Variants in XIRP2 observed in about 807,000 individuals in gnomAD.
XIRP2 encodes xin actin-binding repeat-containing protein 2.
XIRP2 carries 236 observed loss-of-function variants against 277.0 expected under a neutral mutation model. The observed-to-expected ratio is 0.85, with a 90% CI of 0.77 to 0.95. The LOEUF is 0.95. XIRP2 is among the 40% of genes least tolerant of loss of function. The probability of loss-of-function intolerance (pLI) is 0.00; values close to 1 mark genes in which losing one functional copy is unlikely to be tolerated. For synonymous variants in XIRP2, 1,490 were observed against 1,416.5 expected (o/e 1.05, Z -1.17); for missense variants, 4,640 against 4,157.5 (o/e 1.12, Z -3.19).
Position 167,077,900 on chromosome 2 carries a change from G to C in XIRP2, c.409-58009G>C, listed in dbSNP as rs77941776. ...TTGGCGTATAGTATAGTTCGACGTT[G>C]GGTAATATGATGCCTCTGGCTTTTT... On this transcript the variant is annotated intron_variant, in intron 2 of 10. Transcript: ENST00000409195. Among the ~76,000 whole-genome samples, 1,315 of 152,282 alleles carry C rather than the reference G, an allele frequency of 8.6e-3. 22 individuals are homozygous for C. The highest frequency in any genetic ancestry group is 0.03 in the African/African-American group (1,234 of 41,552).
chr2:167,091,606 A>G (rs10171261), intron 2 of XIRP2, among the ~76,000 whole-genome samples: 107,432 of 152,000 alleles, frequency 0.71, 40,728 homozygotes, highest in Non-Finnish European at 0.85. Flanking sequence ...GTTGAATCAT[A>G]GTTTTAATTC....
chr2:167,238,361 G>C (rs1005460936), intron 5 of XIRP2, among the ~76,000 whole-genome samples: 1 of 151,986 alleles, frequency 6.6e-6, no homozygotes, highest in Non-Finnish European at 1.5e-5. Context: ...TCCATATTTT[G>C]TCTTTGGCTT....
intron 1 of XIRP2, among the ~76,000 whole-genome samples, chr2:166,890,739 C>T (rs1048529195): frequency 6.6e-6 from 1 of 152,126 alleles, no homozygotes; most frequent in African/African-American, 2.4e-5. Flanking sequence ...GTCTGGTACG[C>T]AGCCTGCTTG....
intron 2 of XIRP2, among the ~76,000 whole-genome samples, chr2:167,072,713 C>T (rs576879991): frequency 1.3e-5 from 2 of 152,200 alleles, no homozygotes; most frequent in Admixed American, 6.5e-5. Flanking sequence ...TATTGAGTCA[C>T]CTTTCCAATC....
At chr2:167,145,583 A>G (rs778045057) in intron 3 of XIRP2, among the ~76,000 whole-genome samples, 3 of 152,202 alleles carry the variant, frequency 2.0e-5, no homozygotes, top group Non-Finnish European at 2.9e-5. Flanking sequence ...GATGTGGGAA[A>G]AGAGCATGTT....
At chr2:167,115,699 AGGG>A (rs1240884105) in intron 2 of XIRP2, among the ~76,000 whole-genome samples, 1 of 152,136 alleles carries the variant, frequency 6.6e-6, no homozygotes, top group Non-Finnish European at 1.5e-5. Flanking sequence ...TTCCTCAGGT[AGGG>A]ACCACAGTTG....
intron 3 of XIRP2, among the ~76,000 whole-genome samples, chr2:167,172,426 A>G (rs1038318207): frequency 6.6e-6 from 1 of 152,102 alleles, no homozygotes; most frequent in Non-Finnish European, 1.5e-5. Flanking sequence ...AGAGCAGACA[A>G]GCAGTCTGAC....
chr2:167,118,481 C>A (rs373368123), intron 2 of XIRP2, among the ~76,000 whole-genome samples: 1 of 40,552 alleles, frequency 2.5e-5, no homozygotes, highest in African/African-American at 1.1e-4. Flanking sequence ...GACTCTGTCT[C>A]GATAAAATAA....
rs1695202392 is a variant in XIRP2 at position 167,244,969 on chromosome 2, C to T, written c.3577C>T (p.Gln1193Ter). The part of the protein sequence containing the change: ...KEIKPVEMDI[Q>*]AGDVSSMRYK... ...AATCAAGCCTGTTGAAATGGATATA[C>T]AAGCTGGAGATGTTTCCAGCATGAG... The change falls in exon 9 of 11, where the codon CAA becomes TAA. Residue 1193 changes from glutamine (Q) to a stop codon, truncating the protein, a stop_gained. Transcript: ENST00000409195. LOFTEE classifies it high-confidence loss of function. The T allele has an allele frequency of 6.8e-6, 11 of 1,613,162 alleles. No individual in the cohort carries two copies. The highest frequency in any genetic ancestry group is 9.3e-6 in the Non-Finnish European group (11 of 1,179,634).
At chr2:167,185,165 G>A (rs1274162309) in intron 3 of XIRP2, among the ~76,000 whole-genome samples, 2 of 152,020 alleles carry the variant, frequency 1.3e-5, no homozygotes, top group East Asian at 1.9e-4. Context: ...ACCAAATTAC[G>A]TGATCACTAA....
chr2:167,111,079 G>A (rs1006298577), intron 2 of XIRP2, among the ~76,000 whole-genome samples: 6 of 152,114 alleles, frequency 3.9e-5, no homozygotes, highest in African/African-American at 1.4e-4. Context: ...TTTGGACCCA[G>A]ACTATGGGGT....
At chr2:166,899,029 C>T (rs1056250839) in intron 1 of XIRP2, among the ~76,000 whole-genome samples, 9 of 152,040 alleles carry the variant, frequency 5.9e-5, no homozygotes, top group Admixed American at 5.9e-4. Context: ...TTATGGGGCT[C>T]AAGTCTGAAA....
In XIRP2 at chr2:167,244,234, T is replaced by C. The variant is rs777821192; in HGVS notation, c.2842T>C (p.Tyr948His). 3 of 1,613,604 alleles carry C rather than the reference T, an allele frequency of 1.9e-6. No individual in the cohort carries two copies. The highest frequency in any genetic ancestry group is 2.5e-6 in the Non-Finnish European group (3 of 1,179,832). ...EEVDRGDVKN[Y>H]THIFESNNLI... ...AGTTGACAGAGGAGATGTGAAGAAT[T>C]ACACACATATCTTTGAATCAAACAA... The change falls in exon 9 of 11, where the codon TAC becomes CAC. Residue 948 changes from tyrosine (Y) to histidine (H), a missense_variant. By Grantham distance (83) the Tyr-to-His change is moderately conservative. Coordinates refer to ENST00000409195, the MANE Select transcript of XIRP2 (RefSeq NM_152381.6).
intron 2 of XIRP2, among the ~76,000 whole-genome samples, chr2:167,011,400 C>T (rs1225622820): frequency 6.6e-6 from 1 of 150,704 alleles, no homozygotes; most frequent in Non-Finnish European, 1.5e-5. Context: ...ATTGAACCAG[C>T]CTTGCATCCC....
rs199555491 is a variant in XIRP2, at chr2:167,136,007, G to A, written c.507G>A (p.Lys169=). The A allele has an allele frequency of 1.2e-5, 19 of 1,611,470 alleles. No individual in the cohort carries two copies. The highest frequency in any genetic ancestry group is 1.4e-5 in the Non-Finnish European group (16 of 1,178,974). ...DSVKDSDKKG[K]ETSFDKMSPE... is the part of the protein sequence containing the mutation. ...TGAAAGATTCAGACAAGAAAGGCAA[G>A]GAAACATCTTTTGACAAGATGTCAC... The change falls in exon 3 of 11, where the codon AAG becomes AAA. Residue 169 remains lysine, a synonymous_variant. Transcript: ENST00000409195.
At chr2:166,964,731 A>G (rs1349332110) in intron 2 of XIRP2, among the ~76,000 whole-genome samples, 2 of 151,856 alleles carry the variant, frequency 1.3e-5, no homozygotes, top group African/African-American at 4.8e-5. Flanking sequence ...CTCCATATAC[A>G]TTTCAGAAGT....
At chr2:167,087,809 G>T (rs1490318703) in intron 2 of XIRP2, among the ~76,000 whole-genome samples, 2 of 151,864 alleles carry the variant, frequency 1.3e-5, no homozygotes, top group Admixed American at 6.5e-5. Context: ...CTCGCGCACG[G>T]TGCGTGCACC....
At chr2:166,948,319 A>G (rs1167991480) in intron 2 of XIRP2, among the ~76,000 whole-genome samples, 1 of 152,116 alleles carries the variant, frequency 6.6e-6, no homozygotes, top group Admixed American at 6.6e-5. Flanking sequence ...GTGTGGAGGC[A>G]GGACATTATG....
Position 167,129,652 on chromosome 2 carries a change from C to T in XIRP2, c.409-6257C>T, listed in dbSNP as rs566665418. Reference sequence around the variant, plus strand: ...TTGGGAGGCCGAGGCAAGTGGATCACCTGAGGTTGGGAGTTCGAGAACAGC... The same window carrying T: ...TTGGGAGGCCGAGGCAAGTGGATCATCTGAGGTTGGGAGTTCGAGAACAGC... On this transcript the variant is annotated intron_variant, in intron 2 of 10. Transcript: ENST00000409195. Among the ~76,000 whole-genome samples the T allele has an allele frequency of 3.3e-5, 5 of 152,118 alleles. No individual in the cohort carries two copies. In the East Asian group the frequency reaches 9.7e-4, roughly 29 times the overall value.
Sources: gnomAD v4.1 joint callset for allele counts (sites outside exome capture counted in the v4.1 genomes callset) on GRCh38, gnomAD v4.1.1 for gene constraint, MANE v1.5 for transcripts, NCBI Gene and HGNC (gene_info 2026-07-23, HGNC 2026-07-21) for gene names.